The following SGCD variants were observed in gnomAD, a reference collection of about 807,000 sequenced individuals.
SGCD encodes sarcoglycan delta.
A neutral mutation model predicts 36.6 loss-of-function variants in SGCD; 18 were observed. The observed-to-expected ratio is 0.49, with a 90% CI of 0.34 to 0.73. The LOEUF is 0.73. Ranked by LOEUF, SGCD falls within the 30% of genes least tolerant of loss-of-function variation. The probability of loss-of-function intolerance (pLI) is 0.01; values close to 1 mark genes in which losing one functional copy is unlikely to be tolerated. For synonymous variants in SGCD, 133 were observed against 130.6 expected (o/e 1.02, Z -0.12); for missense variants, 387 against 346.7 (o/e 1.12, Z -0.92).
chr5:156,573,601 C>A (rs538005054), intron 4 of SGCD, among the ~76,000 whole-genome samples: 4 of 152,276 alleles, frequency 2.6e-5, no homozygotes, highest in Non-Finnish European at 4.4e-5. Context: ...CCGTCAGACA[C>A]CTTTTTGGTC....
At chr5:156,648,804 C>T (rs1020738905) in intron 7 of SGCD, among the ~76,000 whole-genome samples, 2 of 152,116 alleles carry the variant, frequency 1.3e-5, no homozygotes, top group South Asian at 2.1e-4. Context: ...TAAGCAAATA[C>T]GTCTGAGAAA....
At chr5:156,349,036 G>T (rs1162281186) in intron 3 of SGCD, among the ~76,000 whole-genome samples, 3 of 152,048 alleles carry the variant, frequency 2.0e-5, no homozygotes, top group African/African-American at 7.2e-5. Context: ...GGGAAAATTG[G>T]ATAGCTACAC....
At chr5:155,728,079 C>T in the SGCD span, among the ~76,000 whole-genome samples, 1 of 152,144 alleles carries the variant, frequency 6.6e-6, no homozygotes, top group African/African-American at 2.4e-5. Context: ...GCCTTGCACA[C>T]CAGTCTTCCT....
At chr5:155,736,616 A>G in the SGCD span, among the ~76,000 whole-genome samples, 1 of 152,118 alleles carries the variant, frequency 6.6e-6, no homozygotes, top group Admixed American at 6.5e-5. Flanking sequence ...TAATAACTAG[A>G]CCTAATATCT....
intron 1 of SGCD, among the ~76,000 whole-genome samples, chr5:156,060,271 A>G (rs1760170235): frequency 6.8e-6 from 1 of 146,214 alleles, no homozygotes; most frequent in South Asian, 2.2e-4. Context: ...TGCCACGCTA[A>G]GAAGTGTGGC....
At chr5:156,045,840 C>T (rs979594555) in intron 1 of SGCD, among the ~76,000 whole-genome samples, 2 of 152,090 alleles carry the variant, frequency 1.3e-5, no homozygotes, top group Non-Finnish European at 2.9e-5. Flanking sequence ...TCCTTAGAGG[C>T]CCCCCTCCAA....
rs975272018 is a variant in SGCD, at chr5:156,627,538, A to G, written c.503-19926A>G. 2.6e-5 allele frequency among the ~76,000 whole-genome samples: 4 copies of G among 152,276 alleles called. No homozygotes were observed. The East Asian group carries it at 5.8e-4, about 22-fold the overall frequency. On this transcript the variant is annotated intron_variant, in intron 6 of 8. Transcript: ENST00000337851. Reference sequence around the variant, plus strand: ...CTGAGTGGTGCCATTTATCACTAACATTTGTATTTTGCTGTACAGGTTGAA... The same window carrying G: ...CTGAGTGGTGCCATTTATCACTAACGTTTGTATTTTGCTGTACAGGTTGAA...
At chr5:156,615,443 T>A (rs923401367) in intron 6 of SGCD, among the ~76,000 whole-genome samples, 1 of 152,244 alleles carries the variant, frequency 6.6e-6, no homozygotes, top group East Asian at 1.9e-4. Context: ...TAAATTAGCA[T>A]AAGACTTATA....
the SGCD span, among the ~76,000 whole-genome samples, chr5:155,742,791 G>C: frequency 2.0e-5 from 3 of 152,166 alleles, no homozygotes; most frequent in Non-Finnish European, 4.4e-5. Context: ...TACTTCAGAT[G>C]CCAATCACAA....
intron 3 of SGCD, among the ~76,000 whole-genome samples, chr5:156,404,354 G>A (rs574453365): frequency 2.0e-5 from 3 of 152,292 alleles, no homozygotes; most frequent in African/African-American, 7.2e-5. Context: ...AGAGAGAAAT[G>A]CAGATTCTAC....
rs1033038427 is a variant in SGCD, at chr5:156,482,881, G to T, written c.193-25720G>T. The stretch of plus-strand genomic sequence containing the variant: ...CCATATTTGAATTGTTTAGGGTGGG[G>T]TTTCTCAACCATGGGACTTTTGACA... On this transcript the variant is annotated intron_variant, in intron 3 of 8. Transcript: ENST00000337851. 5.7e-5 allele frequency among the ~76,000 whole-genome samples: 8 copies of T among 140,144 alleles called. No homozygotes were observed. In the South Asian group the frequency reaches 9.4e-4, roughly 16 times the overall value. 91.9% of individuals were successfully genotyped at this position (140,144 alleles called of 152,430 possible). A position where few individuals can be genotyped will look rare whatever the true frequency, so the allele number is the denominator to read the frequency against.
At chr5:155,833,576 T>C in the SGCD span, among the ~76,000 whole-genome samples, 1 of 152,214 alleles carries the variant, frequency 6.6e-6, no homozygotes, top group Non-Finnish European at 1.5e-5. Flanking sequence ...ATGATTTATG[T>C]TCAGCTGTAG....
the SGCD span, among the ~76,000 whole-genome samples, chr5:155,843,410 A>G: frequency 6.6e-6 from 1 of 152,138 alleles, no homozygotes; most frequent in Non-Finnish European, 1.5e-5. Context: ...ATGCTCACAC[A>G]CACACACACA....
At chr5:156,570,291 G>C (rs1759665889) in intron 4 of SGCD, among the ~76,000 whole-genome samples, 1 of 141,512 alleles carries the variant, frequency 7.1e-6, no homozygotes, top group Admixed American at 6.9e-5. Flanking sequence ...AAATAACGTA[G>C]ATTCTCAATT....
At chr5:156,090,183 C>T (rs1761206212) in intron 1 of SGCD, among the ~76,000 whole-genome samples, 1 of 152,136 alleles carries the variant, frequency 6.6e-6, no homozygotes, top group Admixed American at 6.5e-5. Context: ...GGCTAAAATT[C>T]CCACTGGGTG....
chr5:156,356,788 G>C (rs1424859123), intron 3 of SGCD, among the ~76,000 whole-genome samples: 1 of 152,164 alleles, frequency 6.6e-6, no homozygotes, highest in Non-Finnish European at 1.5e-5. Context: ...GGATTACCCA[G>C]GTGGGCCCTC....
chr5:155,954,329 C>T (rs17053060), intron 1 of SGCD, among the ~76,000 whole-genome samples: 2,748 of 152,214 alleles, frequency 0.018, 86 homozygotes, highest in African/African-American at 0.063. Context: ...AATTCGCTTT[C>T]GACTGAATTA....
At chr5:156,034,525 A>G (rs10067720) in intron 1 of SGCD, among the ~76,000 whole-genome samples, 58 of 152,330 alleles carry the variant, frequency 3.8e-4, no homozygotes, top group African/African-American at 1.3e-3. Flanking sequence ...AACCATCCGT[A>G]GTTCATATAA....
At chr5:156,709,301 T>A (rs1351287873) in intron 7 of SGCD, among the ~76,000 whole-genome samples, 4 of 152,344 alleles carry the variant, frequency 2.6e-5, no homozygotes, top group East Asian at 3.9e-4. Context: ...GATCCAGTCA[T>A]GAATATATCT....
Sources: gnomAD v4.1 joint callset for allele counts (sites outside exome capture counted in the v4.1 genomes callset) on GRCh38, gnomAD v4.1.1 for gene constraint, MANE v1.5 for transcripts, NCBI Gene and HGNC (gene_info 2026-07-23, HGNC 2026-07-21) for gene names.